Variants in BHMT2 observed in about 807,000 individuals in gnomAD.
BHMT2 encodes betaine--homocysteine S-methyltransferase 2.
A neutral mutation model predicts 39.0 loss-of-function variants in BHMT2; 28 were observed. The observed-to-expected ratio is 0.72, with a 90% CI of 0.53 to 0.98. The LOEUF (loss-of-function observed/expected upper bound fraction) is 0.98. Ranked by LOEUF, BHMT2 falls within the 50% of genes least tolerant of loss-of-function variation. The probability of loss-of-function intolerance (pLI) is 0.00; values close to 1 mark genes in which losing one functional copy is unlikely to be tolerated. For missense variants in BHMT2, 410 were observed against 455.6 expected, an observed-to-expected ratio of 0.90 and a Z score of 0.91; for synonymous variants, 145 against 160.6, an observed-to-expected ratio of 0.90 and a Z score of 0.74.
chr5:79,078,485 G>A (rs953641740), intron 2 of BHMT2, among the ~76,000 whole-genome samples: 9 of 152,214 alleles, frequency 5.9e-5, no homozygotes, highest in Admixed American at 1.3e-4. Flanking sequence ...TTCACACAGC[G>A]TATCAGATAA....
intron 7 of BHMT2, among the ~76,000 whole-genome samples, chr5:79,086,538 A>C (rs1755899742): frequency 6.6e-6 from 1 of 152,178 alleles, no homozygotes; most frequent in Non-Finnish European, 1.5e-5. Flanking sequence ...ATTTAGAAAA[A>C]CGTTCACTGC....
intron 4 of BHMT2, among the ~76,000 whole-genome samples, chr5:79,081,672 G>T (rs574701364): frequency 6.6e-6 from 1 of 152,214 alleles, no homozygotes; most frequent in African/African-American, 2.4e-5. Context: ...CTACCCTGGT[G>T]AACAAGGTGA....
chr5:79,080,891 T>G lies in BHMT2; in HGVS notation c.450+13T>G, dbSNP rs777755146. 1.3e-6 allele frequency: 2 copies of G among 1,557,800 alleles called. No individual in the cohort carries two copies. Among genetic ancestry groups the G allele is most frequent in the South Asian group, 2.5e-5 (2 of 80,008 alleles). ...CTTGATTGCAGAGGTGAGGCTAGTA[T>G]TGGAGGAAAAGGATTGAACCTATTT... On this transcript the variant is annotated intron_variant, in intron 4 of 7. Transcript: ENST00000255192.
At position 79,089,816 on chromosome 5, in the gene BHMT2, A is replaced by G. The variant is rs1381939945; in HGVS notation, c.*1242A>G. Among the ~76,000 whole-genome samples the G allele has an allele frequency of 6.6e-6, 1 of 151,148 alleles. No homozygotes were observed. The highest frequency in any genetic ancestry group is 1.5e-5 in the Non-Finnish European group (1 of 67,364). On this transcript the variant is annotated 3_prime_UTR_variant, in exon 8 of 8. Coordinates refer to ENST00000255192, the MANE Select transcript of BHMT2 (RefSeq NM_017614.5). ...CCCCATCTCTACTAAATAAAATACA[A>G]AAATTATCCAGGCATGGTGGTGCAT...
At chr5:79,079,579 T>C in intron 3 of BHMT2, 119 bp downstream of exon 3, 5 of 728,446 alleles carry the variant, frequency 6.9e-6, no homozygotes, top group Non-Finnish European at 1.1e-5. Flanking sequence ...CATATAAATA[T>C]GTATTAATTT....
At chr5:79,084,301 G>C (rs894182737) in intron 7 of BHMT2, among the ~76,000 whole-genome samples, 10 of 152,090 alleles carry the variant, frequency 6.6e-5, no homozygotes, top group Non-Finnish European at 1.5e-4. Flanking sequence ...TTCTGAGATG[G>C]AGTCTGGCTC....
intron 7 of BHMT2, among the ~76,000 whole-genome samples, chr5:79,087,053 T>C (rs1755915070): frequency 6.8e-6 from 1 of 147,722 alleles, no homozygotes; most frequent in Non-Finnish European, 1.5e-5. Context: ...CATATGTATG[T>C]ATATCTGTTG....
At chr5:79,069,947 C>T (rs1755518706) in intron 1 of BHMT2, 132 bp downstream of exon 1, 4 of 976,214 alleles carry the variant, frequency 4.1e-6, no homozygotes, top group Non-Finnish European at 4.1e-6. Context: ...TGGCCCTGAG[C>T]CTCAATTTTC....
At position 79,088,967 on chromosome 5, in the gene BHMT2, C is replaced by T. The variant is rs1164477809; in HGVS notation, c.*393C>T. 1 of 162,424 alleles carries T rather than the reference C, an allele frequency of 6.2e-6. No individual in the cohort carries two copies. Among genetic ancestry groups the T allele is most frequent in the Non-Finnish European group, 1.3e-5 (1 of 75,178 alleles). 10.1% of individuals were successfully genotyped at this position (162,424 alleles called of 1,614,324 possible). On this transcript the variant is annotated 3_prime_UTR_variant, in exon 8 of 8. Coordinates refer to ENST00000255192, the MANE Select transcript of BHMT2 (RefSeq NM_017614.5). Reference sequence around the variant, plus strand: ...CTAGTGAATAATTCAAGTGACTAAGCTAGATACTTGAGGATGATAGAGCAA... The same window carrying T: ...CTAGTGAATAATTCAAGTGACTAAGTTAGATACTTGAGGATGATAGAGCAA...
intron 1 of BHMT2, among the ~76,000 whole-genome samples, chr5:79,076,285 GTTC>G (rs1483425977): frequency 6.6e-6 from 1 of 152,136 alleles, no homozygotes; most frequent in East Asian, 1.9e-4. Flanking sequence ...GAGTCTGTGT[GTTC>G]TTCTGCCAGT....
rs148002487 is a variant in BHMT2, at chr5:79,072,194, G to C, written c.33+2379G>C. Among the ~76,000 whole-genome samples, 67 of 152,154 alleles carry C rather than the reference G, an allele frequency of 4.4e-4. No homozygotes were observed. The East Asian group carries it at 0.012, about 27-fold the overall frequency. On this transcript the variant is annotated intron_variant, in intron 1 of 7. Transcript: ENST00000255192. ...AGGCAGGAGAATTGCTTGAACCCTGGAGGTGGAGGTTGCAGTGAGCTGAGA... is the reference window on the plus strand; with the variant it reads ...AGGCAGGAGAATTGCTTGAACCCTGCAGGTGGAGGTTGCAGTGAGCTGAGA...
Position 79,083,130 on chromosome 5 carries a change from A to C in BHMT2, c.599-62A>C, listed in dbSNP as rs548590719. 15 of 1,585,722 alleles carry C rather than the reference A, an allele frequency of 9.5e-6. No homozygotes were observed. The East Asian group carries it at 3.3e-4, about 34-fold the overall frequency. On this transcript the variant is annotated intron_variant, in intron 5 of 7. Transcript: ENST00000255192. ...TGGCTAACCTCTAAGGTACCTTCCA[A>C]CTATTAAAAAAAAAGAATAAACAAA...
At chr5:79,079,102 T>A (rs1755732623) in intron 2 of BHMT2, among the ~76,000 whole-genome samples, 1 of 152,236 alleles carries the variant, frequency 6.6e-6, no homozygotes, top group Non-Finnish European at 1.5e-5. Context: ...AAGGGTTAAT[T>A]GGCCAGTCAG....
At chr5:79,070,072 A>C (rs1276011726) in intron 1 of BHMT2, among the ~76,000 whole-genome samples, 1 of 152,192 alleles carries the variant, frequency 6.6e-6, no homozygotes, top group Non-Finnish European at 1.5e-5. Context: ...TTCACAGGTG[A>C]GGAAACTGAG....
At chr5:79,083,511 A>G in intron 6 of BHMT2, 117 bp from the exon 7 acceptor site, 3 of 1,469,844 alleles carry the variant, frequency 2.0e-6, no homozygotes, top group Non-Finnish European at 2.7e-6. Context: ...ATGAGCTATC[A>G]GAAGAATGCA....
At position 79,089,561 on chromosome 5, in the gene BHMT2, A is replaced by G. The variant is rs1755982560; in HGVS notation, c.*987A>G. The G allele has an allele frequency of 6.6e-6, 1 of 152,216 alleles. No homozygotes were observed. Among genetic ancestry groups the G allele is most frequent in the Non-Finnish European group, 1.5e-5 (1 of 68,038 alleles). 9.4% of individuals were successfully genotyped at this position (152,216 alleles called of 1,614,324 possible). A position where few individuals can be genotyped will look rare whatever the true frequency, so the allele number is the denominator to read the frequency against. On this transcript the variant is annotated 3_prime_UTR_variant, in exon 8 of 8. Transcript: ENST00000255192. The stretch of plus-strand genomic sequence containing the variant: ...AGACAAGATCACGTGATAAGCTTAT[A>G]ATCTTCTCATAATTCCCCTTACTTA...
intron 4 of BHMT2, among the ~76,000 whole-genome samples, chr5:79,082,165 G>A (rs959254333): frequency 1.9e-4 from 29 of 152,182 alleles, no homozygotes; most frequent in African/African-American, 6.8e-4. Context: ...GTTGCCTTAA[G>A]GTCAGCTTTT....
At chr5:79,072,374 C>T (rs1410983904) in intron 1 of BHMT2, among the ~76,000 whole-genome samples, 1 of 152,114 alleles carries the variant, frequency 6.6e-6, no homozygotes, top group Non-Finnish European at 1.5e-5. Flanking sequence ...TTCATAAAGA[C>T]ACAGTCAAAA....
chr5:79,076,856 T>C (rs1755681637), intron 1 of BHMT2, among the ~76,000 whole-genome samples: 1 of 152,238 alleles, frequency 6.6e-6, no homozygotes, highest in African/African-American at 2.4e-5. Flanking sequence ...TAACAGCCCA[T>C]GGCTGCCGCA....
Sources: allele counts gnomAD v4.1 joint callset (sites outside exome capture counted in the v4.1 genomes callset), GRCh38; gene constraint gnomAD v4.1.1; transcripts MANE v1.5; gene names NCBI Gene and HGNC (gene_info 2026-07-23, HGNC 2026-07-21).